Variants in CNTNAP5 observed in about 807,000 individuals in gnomAD.
CNTNAP5 encodes the protein contactin-associated protein-like 5.
Under a neutral mutation model 150.2 loss-of-function variants are expected in CNTNAP5, and 72 were observed. The ratio of observed to expected loss-of-function variants is 0.48; its 90% CI spans 0.40 to 0.58. The LOEUF is 0.58. Among genes scored for constraint, CNTNAP5 ranks in the 20% least tolerant of loss-of-function variants. The pLI is 0.00. For missense variants in CNTNAP5, 1,636 were observed against 1,626.2 expected (o/e 1.01, Z -0.10); for synonymous variants, 672 against 619.8 (o/e 1.08, Z -1.25).
intron 19 of CNTNAP5, among the ~76,000 whole-genome samples, chr2:124,828,844 C>T (rs1682655595): frequency 6.7e-6 from 1 of 149,466 alleles, no homozygotes; most frequent in Non-Finnish European, 1.5e-5. Flanking sequence ...AGGACTATAG[C>T]CCCAGAGTGG....
rs1433716004 is a variant in CNTNAP5 at position 124,563,250 on chromosome 2, C to T, written c.1683C>T (p.Ser561=). The change falls in exon 11 of 24, where the codon AGC becomes AGT. Residue 561 remains serine, a synonymous_variant. Transcript: ENST00000682447. Reference sequence around the variant, plus strand: ...CAAACTACTGTGAACATGGAGGAAGCTGCTCCCAGTCCTGGACTACCTTCT... The same window carrying T: ...CAAACTACTGTGAACATGGAGGAAGTTGCTCCCAGTCCTGGACTACCTTCT... The part of the protein sequence containing the change: ...CLPNYCEHGG[S]CSQSWTTFYC... 2 of 1,594,186 alleles carry T rather than the reference C, an allele frequency of 1.3e-6. No homozygotes were observed. The highest frequency in any genetic ancestry group is 1.7e-6 in the Non-Finnish European group (2 of 1,169,464).
chr2:124,794,338 G>C (rs887582697), intron 18 of CNTNAP5, among the ~76,000 whole-genome samples: 1 of 152,152 alleles, frequency 6.6e-6, no homozygotes, highest in Non-Finnish European at 1.5e-5. Context: ...TGTGGGAAGC[G>C]CAGGACTCTT....
intron 11 of CNTNAP5, among the ~76,000 whole-genome samples, chr2:124,592,424 T>TA (rs1491101468): frequency 7.9e-4 from 120 of 151,520 alleles, no homozygotes; most frequent in Non-Finnish European, 1.3e-3. Context: ...TGGACAAATA[T>TA]TTATATATAA....
intron 13 of CNTNAP5, among the ~76,000 whole-genome samples, chr2:124,692,649 G>A (rs1436918472): frequency 2.0e-5 from 3 of 152,114 alleles, no homozygotes; most frequent in African/African-American, 4.8e-5. Flanking sequence ...AACAGAAATC[G>A]ATCTCTTTTT....
At chr2:124,819,156 T>A (rs755760657) in intron 19 of CNTNAP5, among the ~76,000 whole-genome samples, 2 of 152,144 alleles carry the variant, frequency 1.3e-5, no homozygotes, top group Admixed American at 6.5e-5. Flanking sequence ...ATCAGCTTGT[T>A]ATCTGGAATT....
chr2:124,372,453 T>C (rs1690550680), intron 3 of CNTNAP5, among the ~76,000 whole-genome samples: 1 of 152,128 alleles, frequency 6.6e-6, no homozygotes, highest in Admixed American at 6.6e-5. Context: ...CTTCTGTATC[T>C]CTAGAGAAAC....
intron 3 of CNTNAP5, among the ~76,000 whole-genome samples, chr2:124,402,797 G>A (rs927068908): frequency 1.3e-5 from 2 of 152,198 alleles, no homozygotes; most frequent in Non-Finnish European, 1.5e-5. Flanking sequence ...GGGGGAAAAG[G>A]AGAGTTCTAT....
intron 21 of CNTNAP5, among the ~76,000 whole-genome samples, chr2:124,884,954 A>G (rs1307670014): frequency 6.6e-6 from 1 of 152,114 alleles, no homozygotes; most frequent in African/African-American, 2.4e-5. Flanking sequence ...GCTGGGAAAG[A>G]ACAAAAGACT....
chr2:124,713,109 T>G (rs573431576), intron 13 of CNTNAP5, among the ~76,000 whole-genome samples: 1 of 152,212 alleles, frequency 6.6e-6, no homozygotes, highest in Admixed American at 6.5e-5. Flanking sequence ...TTTCTACTAC[T>G]ATGGGACTGT....
chr2:124,250,338 A>C (rs972597408), intron 3 of CNTNAP5, among the ~76,000 whole-genome samples: 1 of 152,104 alleles, frequency 6.6e-6, no homozygotes, highest in Non-Finnish European at 1.5e-5. Context: ...AACAGTGCGT[A>C]AACTTTAAAT....
chr2:124,713,831 A>G (rs941540029), intron 13 of CNTNAP5, among the ~76,000 whole-genome samples: 6 of 152,002 alleles, frequency 3.9e-5, no homozygotes, highest in Non-Finnish European at 7.4e-5. Flanking sequence ...GAGCAATCCC[A>G]ACTTCTTTAT....
chr2:124,578,993 A>G (rs1443689431), intron 11 of CNTNAP5, among the ~76,000 whole-genome samples: 1 of 152,156 alleles, frequency 6.6e-6, no homozygotes, highest in African/African-American at 2.4e-5. Flanking sequence ...TATTTGTGAA[A>G]GATTTTTCAG....
intron 1 of CNTNAP5, among the ~76,000 whole-genome samples, chr2:124,196,018 A>T (rs956228059): frequency 2.6e-5 from 4 of 152,096 alleles, no homozygotes; most frequent in African/African-American, 9.7e-5. Context: ...TTTTGGACTC[A>T]TTTTGAGTGC....
At chr2:124,112,890 C>G (rs1683331645) in intron 1 of CNTNAP5, among the ~76,000 whole-genome samples, 1 of 152,040 alleles carries the variant, frequency 6.6e-6, no homozygotes, top group Non-Finnish European at 1.5e-5. Flanking sequence ...AAGTTGTTTG[C>G]AGCAATACAG....
At chr2:124,819,081 C>T (rs948597247) in intron 19 of CNTNAP5, among the ~76,000 whole-genome samples, 15 of 152,100 alleles carry the variant, frequency 9.9e-5, no homozygotes, top group African/African-American at 3.6e-4. Flanking sequence ...CTTATAGAGA[C>T]CATGCCATCT....
intron 3 of CNTNAP5, among the ~76,000 whole-genome samples, chr2:124,358,450 T>C (rs1264391720): frequency 2.6e-5 from 4 of 152,226 alleles, no homozygotes; most frequent in African/African-American, 7.2e-5. Flanking sequence ...GTGTCATAGA[T>C]AGCTCTTATT....
intron 19 of CNTNAP5, among the ~76,000 whole-genome samples, chr2:124,849,545 G>A (rs181133937): frequency 1.1e-4 from 17 of 152,134 alleles, no homozygotes; most frequent in Admixed American, 1.0e-3. Flanking sequence ...ATGAACTCTA[G>A]AATTGTTTTT....
intron 3 of CNTNAP5, among the ~76,000 whole-genome samples, chr2:124,258,126 T>G (rs1344681490): frequency 6.6e-6 from 1 of 152,084 alleles, no homozygotes; most frequent in African/African-American, 2.4e-5. Context: ...CCCACAGCAA[T>G]GCAGATTGTG....
At position 124,887,363 on chromosome 2, in the gene CNTNAP5, A is replaced by G. The variant is rs148092832; in HGVS notation, c.3437-15519A>G. The stretch of plus-strand genomic sequence containing the variant: ...ATCACAGGTGGTAGACATGTTTTCA[A>G]TTCAAGGGGGAAATGCTTGCACTCC... On this transcript the variant is annotated intron_variant, in intron 21 of 23. Transcript: ENST00000682447. 2.0e-3 allele frequency among the ~76,000 whole-genome samples: 310 copies of G among 152,148 alleles called. 2 individuals carry two copies. Among genetic ancestry groups the G allele is most frequent in the African/African-American group, 7.0e-3 (291 of 41,542 alleles).
Sources: allele counts gnomAD v4.1 joint callset (sites outside exome capture counted in the v4.1 genomes callset), GRCh38; gene constraint gnomAD v4.1.1; transcripts MANE v1.5; gene names NCBI Gene and HGNC (gene_info 2026-07-23, HGNC 2026-07-21).